UBR4: variants seen among roughly 807,000 people sequenced by gnomAD.
UBR4 encodes the protein ubiquitin protein ligase E3 component n-recognin 4, also known as E3 ubiquitin-protein ligase UBR4.
UBR4 carries 124 observed loss-of-function variants against 575.6 expected under a neutral mutation model. The ratio of observed to expected loss-of-function variants is 0.22; its 90% CI spans 0.19 to 0.25. The LOEUF is 0.25. Ranked by LOEUF, UBR4 falls within the 10% of genes least tolerant of loss-of-function variation. The pLI is 1.00. For missense variants in UBR4, 4,818 were observed against 6,478.8 expected (o/e 0.74, Z 8.80); for synonymous variants, 2,455 against 2,473.7 (o/e 0.99, Z 0.22).
At chr1:19,206,466 T>C (rs1161351083) in intron 1 of UBR4, among the ~76,000 whole-genome samples, 1 of 152,072 alleles carries the variant, frequency 6.6e-6, no homozygotes, top group Non-Finnish European at 1.5e-5. Flanking sequence ...GCTGGGATTA[T>C]GGGCATTACA....
chr1:19,196,955 T>C lies in UBR4; in HGVS notation c.1018+186A>G, dbSNP rs189008703. Among the ~76,000 whole-genome samples, 603 of 152,248 alleles carry C rather than the reference T, an allele frequency of 4.0e-3. 4 individuals are homozygous for C. Among genetic ancestry groups the C allele is most frequent in the African/African-American group, 0.013 (536 of 41,528 alleles). Reference sequence around the variant, plus strand: ...TATGCCTATAACGCAATGGCAGCAGTGAAACAACAGGACCATTTACAAAGA... The same window carrying C: ...TATGCCTATAACGCAATGGCAGCAGCGAAACAACAGGACCATTTACAAAGA... On this transcript the variant is annotated intron_variant, in intron 8 of 105. Transcript: ENST00000375254.
chr1:19,193,974 T>A (rs1227277809), intron 8 of UBR4, among the ~76,000 whole-genome samples: 3 of 152,172 alleles, frequency 2.0e-5, no homozygotes, highest in African/African-American at 2.4e-5. Flanking sequence ...TCCAACTACA[T>A]GACATTCTAG....
Position 19,093,705 on chromosome 1 carries a change from G to A in UBR4, c.13938-219C>T, listed in dbSNP as rs192976411. Among the ~76,000 whole-genome samples the A allele has an allele frequency of 8.6e-4, 131 of 152,194 alleles. No individual in the cohort carries two copies. The highest frequency in any genetic ancestry group is 2.9e-3 in the African/African-American group (122 of 41,542). On this transcript the variant is annotated intron_variant, in intron 95 of 105. Coordinates refer to ENST00000375254, the MANE Select transcript of UBR4 (RefSeq NM_020765.3). The surrounding 1 kb of genome is among the most constrained non-coding windows in gnomAD (Gnocchi z 4.8). Reference sequence around the variant, plus strand: ...CTCTTGCACTCACATTTGCGCACACGTGGCTCCATCTCGTCATATTCCTCC... The same window carrying A: ...CTCTTGCACTCACATTTGCGCACACATGGCTCCATCTCGTCATATTCCTCC...
At chr1:19,156,001 A>C (rs570147892) in intron 42 of UBR4, among the ~76,000 whole-genome samples, 1 of 152,292 alleles carries the variant, frequency 6.6e-6, no homozygotes, top group South Asian at 2.1e-4. Flanking sequence ...AAAAGTGACA[A>C]AATATGGCTT....
chr1:19,187,604 G>T, intron 11 of UBR4, 64 bp from the exon 12 acceptor site: 1 of 1,536,860 alleles, frequency 6.5e-7, no homozygotes, highest in Non-Finnish European at 8.9e-7. Context: ...AACTTCTGAA[G>T]CAGTGGATCT....
At chr1:19,207,012 G>A (rs1571880821) in intron 1 of UBR4, among the ~76,000 whole-genome samples, 1 of 152,212 alleles carries the variant, frequency 6.6e-6, no homozygotes, top group African/African-American at 2.4e-5. Context: ...CTACCAGGTC[G>A]AAAGTAAGAG....
chr1:19,203,114 G>A (rs933313383), intron 1 of UBR4, among the ~76,000 whole-genome samples: 1 of 151,764 alleles, frequency 6.6e-6, no homozygotes, highest in African/African-American at 2.4e-5. Context: ...TGAAGGTAAA[G>A]CAAAGACTAA....
rs746187187 is a variant in UBR4 at position 19,162,468 on chromosome 1, C to G, written c.4908G>C (p.Trp1636Cys). ...CCTCTTCCACCGCCAACTCCTCCAC[C>G]CAGTCTGAGTCTACTTCAATGGCCC... ...EERAIEVDSD[W>C]VEELAVEEED... Residue 1636 changes from tryptophan to cysteine, a missense_variant, in exon 35 of 106, where the codon TGG becomes TGC. Physicochemically the swap from Trp to Cys is radical, Grantham distance 215 (BLOSUM62 -2). This residue lies in a region of UBR4 where 1,172 missense variants were observed against 1,259.7 expected (regional missense o/e 0.93). Transcript: ENST00000375254. 2 of 1,614,136 alleles carry G rather than the reference C, an allele frequency of 1.2e-6. No homozygotes were observed. The highest frequency in any genetic ancestry group is 1.3e-5 in the African/African-American group (1 of 75,042).
chr1:19,092,717 C>G (rs1312104015), intron 97 of UBR4, 102 bp downstream of exon 97: 1 of 926,140 alleles, frequency 1.1e-6, no homozygotes, highest in Non-Finnish European at 1.6e-6. Context: ...CTCACTTCTA[C>G]TCTAGAAGTC....
At chr1:19,176,500 C>A in intron 20 of UBR4, 92 bp downstream of exon 20, 1 of 1,496,412 alleles carries the variant, frequency 6.7e-7, no homozygotes, top group South Asian at 1.3e-5. Flanking sequence ...AAGCAAATGA[C>A]CAAAGATCCT....
intron 15 of UBR4, 49 bp downstream of exon 15, chr1:19,185,050 C>A: frequency 1.2e-6 from 2 of 1,608,570 alleles, no homozygotes. Context: ...TTCTCATACC[C>A]CTAGCTCCCC....
At chr1:19,171,742 G>C (rs528905728) in intron 25 of UBR4, among the ~76,000 whole-genome samples, 1 of 152,102 alleles carries the variant, frequency 6.6e-6, no homozygotes, top group African/African-American at 2.4e-5. Context: ...CCTGCCACTC[G>C]GGAAACTGAG....
intron 71 of UBR4, chr1:19,118,499 C>T: frequency 5.1e-6 from 1 of 195,214 alleles, no homozygotes; most frequent in Non-Finnish European, 1.0e-5. Context: ...CAGTTCATTG[C>T]ACCCTCGAAC....
Position 19,120,197 on chromosome 1 carries a change from C to CA in UBR4, c.10292dup (p.Thr3432AspfsTer33). The CA allele has an allele frequency of 6.2e-7, 1 of 1,614,166 alleles. No homozygotes were observed. Among genetic ancestry groups the CA allele is most frequent in the Non-Finnish European group, 8.5e-7 (1 of 1,179,996 alleles). On this transcript the variant is annotated frameshift_variant, in exon 69 of 106. Coordinates refer to ENST00000375254, the MANE Select transcript of UBR4 (RefSeq NM_020765.3). LOFTEE classifies it high-confidence loss of function. ...GGCCCTACCTGTAGATGTGCAGTGT[C>CA]AGACAGTGGGCCTGCCAGCGCACCG...
At chr1:19,077,862 C>T (rs1403443662) in intron 104 of UBR4, 114 bp downstream of exon 104, 3 of 1,576,212 alleles carry the variant, frequency 1.9e-6, no homozygotes, top group South Asian at 2.3e-5. Context: ...GAAAAAAGCG[C>T]CCCCAGGCCC....
rs116192111 is a variant in UBR4, at chr1:19,177,323, C to T, written c.2637+138G>A. On this transcript the variant is annotated intron_variant, in intron 19 of 105. Transcript: ENST00000375254. ...CATCAAGTACAAAGTCTCAGTGGTCCTCCTAATCCTACCCATCAACCTACC... is the reference window on the plus strand; with the variant it reads ...CATCAAGTACAAAGTCTCAGTGGTCTTCCTAATCCTACCCATCAACCTACC... 7,144 of 1,014,580 alleles carry T rather than the reference C, an allele frequency of 7.0e-3. 35 individuals carry two copies. The highest frequency in any genetic ancestry group is 8.8e-3 in the Non-Finnish European group (5,968 of 681,100). 62.8% of individuals were successfully genotyped at this position (1,014,580 alleles called of 1,614,324 possible).
At chr1:19,145,136 C>T (rs532445451) in intron 53 of UBR4, among the ~76,000 whole-genome samples, 1 of 152,266 alleles carries the variant, frequency 6.6e-6, no homozygotes, top group African/African-American at 2.4e-5. Flanking sequence ...TTCCAGATAT[C>T]TTGAGTCACA....
At chr1:19,118,777 C>T (rs2080866290) in intron 71 of UBR4, 95 bp downstream of exon 71, 1 of 1,293,848 alleles carries the variant, frequency 7.7e-7, no homozygotes, top group Non-Finnish European at 1.1e-6. Context: ...CTCTCAGGCG[C>T]TTGTCAATTC....
chr1:19,176,929 T>C (rs979648677), intron 19 of UBR4, among the ~76,000 whole-genome samples: 10 of 152,178 alleles, frequency 6.6e-5, no homozygotes, highest in Non-Finnish European at 1.3e-4. Context: ...CCTGGGAAAC[T>C]CACAAACCAA....
Sources: gnomAD v4.1 joint callset for allele counts (sites outside exome capture counted in the v4.1 genomes callset) on GRCh38, gnomAD v4.1.1 for gene constraint, gnomAD v4.1.1 regional missense constraint, Gnocchi (gnomAD v3.1) non-coding constraint, MANE v1.5 for transcripts, NCBI Gene and HGNC (gene_info 2026-07-23, HGNC 2026-07-21) for gene names.